F10: variants seen among roughly 807,000 people sequenced by gnomAD.
F10 encodes coagulation factor X, also known as Stuart-Prower factor.
Under a neutral mutation model 37.1 loss-of-function variants are expected in F10, and 29 were observed. The observed-to-expected ratio is 0.78, with a 90% CI of 0.58 to 1.07. F10 has a LOEUF of 1.07. Among genes scored for constraint, F10 ranks in the 50% least tolerant of loss-of-function variants. The pLI is 0.00. For missense variants in F10, 539 were observed against 667.9 expected, an observed-to-expected ratio of 0.81 and a Z score of 2.13; for synonymous variants, 262 against 268.6, an observed-to-expected ratio of 0.98 and a Z score of 0.24.
chr13:113,140,152 C>T (rs913668147), intron 4 of F10, among the ~76,000 whole-genome samples: 1 of 151,036 alleles, frequency 6.6e-6, no homozygotes, highest in East Asian at 1.9e-4. Context: ...CAGCTCACCG[C>T]AAGCTCCGCC....
intron 1 of F10, among the ~76,000 whole-genome samples, chr13:113,123,687 G>T (rs746013968): frequency 6.6e-6 from 1 of 152,128 alleles, no homozygotes; most frequent in Non-Finnish European, 1.5e-5. Context: ...GGAGACCCTC[G>T]TGGGGTGGAA....
intron 1 of F10, among the ~76,000 whole-genome samples, chr13:113,123,374 G>A (rs987667380): frequency 1.4e-4 from 22 of 152,324 alleles, no homozygotes; most frequent in African/African-American, 5.3e-4. Flanking sequence ...GGAGGAGGCT[G>A]AGCCGAGCCA....
rs1318636709 is a variant in F10 at position 113,141,744 on chromosome 13, A to G, written c.502+694A>G. ...CATGAGGCCCTCGAAGGCGGGGCCT[A>G]GGCGTCACAGCTGCACCTTGCACAG... On this transcript the variant is annotated intron_variant, in intron 5 of 7. Transcript: ENST00000375559. This position sits in a 1 kb window ranked among gnomAD's most constrained non-coding sequence, Gnocchi z 5.4. 2.0e-5 allele frequency among the ~76,000 whole-genome samples: 3 copies of G among 152,086 alleles called. No individual in the cohort carries two copies. The highest frequency in any genetic ancestry group is 2.9e-5 in the Non-Finnish European group (2 of 68,032).
At chr13:113,124,007 G>A (rs1344636088) in intron 1 of F10, among the ~76,000 whole-genome samples, 1 of 152,206 alleles carries the variant, frequency 6.6e-6, no homozygotes, top group Non-Finnish European at 1.5e-5. Context: ...CAGCGTGGGT[G>A]GAACAAGGCC....
At chr13:113,147,136 G>A (rs1054624095) in intron 6 of F10, among the ~76,000 whole-genome samples, 1 of 152,204 alleles carries the variant, frequency 6.6e-6, no homozygotes, top group Non-Finnish European at 1.5e-5. Context: ...GTGTGCATGA[G>A]ACTTTAGAGA....
At position 113,141,413 on chromosome 13, in the gene F10, T is replaced by C. The variant is rs1395358656; in HGVS notation, c.502+363T>C. ...GCATTGGGACTGTGGGGGGATCCAGTGCAAGGGCTCAAAGCACCAGGGCAG... is the reference window on the plus strand; with the variant it reads ...GCATTGGGACTGTGGGGGGATCCAGCGCAAGGGCTCAAAGCACCAGGGCAG... On this transcript the variant is annotated intron_variant, in intron 5 of 7. Coordinates refer to ENST00000375559, the MANE Select transcript of F10 (RefSeq NM_000504.4). This position sits in a 1 kb window ranked among gnomAD's most constrained non-coding sequence, Gnocchi z 5.4. Among the ~76,000 whole-genome samples the C allele has an allele frequency of 6.6e-6, 1 of 152,046 alleles. No homozygotes were observed. Among genetic ancestry groups the C allele is most frequent in the Admixed American group, 6.6e-5 (1 of 15,266 alleles).
intron 2 of F10, among the ~76,000 whole-genome samples, chr13:113,133,811 A>T (rs1035921764): frequency 6.6e-6 from 1 of 152,220 alleles, no homozygotes; most frequent in African/African-American, 2.4e-5. Context: ...ATATATTTTT[A>T]AAAGAGTAAT....
intron 1 of F10, chr13:113,129,014 G>A (rs1392749221): frequency 4.6e-6 from 1 of 215,362 alleles, no homozygotes; most frequent in Non-Finnish European, 9.4e-6. Context: ...TTCAAAATAT[G>A]TCAAACAAAT....
intron 2 of F10, chr13:113,132,126 ATTC>A (rs1389807690): frequency 2.0e-5 from 3 of 152,268 alleles, no homozygotes; most frequent in African/African-American, 7.2e-5. Flanking sequence ...GTCTACTCTA[ATTC>A]TTAATTAAAT....
rs915229752 is a variant in F10, at chr13:113,147,069, G to C, written c.748-310G>C. Among the ~76,000 whole-genome samples, 14 of 152,338 alleles carry C rather than the reference G, an allele frequency of 9.2e-5. No individual in the cohort carries two copies. The East Asian group carries it at 2.7e-3, about 29-fold the overall frequency. On this transcript the variant is annotated intron_variant, in intron 6 of 7. Coordinates refer to ENST00000375559, the MANE Select transcript of F10 (RefSeq NM_000504.4). ...TCCCAGGTAGAAATCCTGCCACAGA[G>C]ACGGGAAAGGCTGCTCCCACAGGGA... is the stretch of plus-strand genomic sequence containing the variant.
At position 113,137,169 on chromosome 13, in the gene F10, GCAA is replaced by G. The variant is rs150576427; in HGVS notation, c.232-1281_232-1279del. 3.1e-4 allele frequency among the ~76,000 whole-genome samples: 47 copies of G among 152,314 alleles called. No homozygotes were observed. The South Asian group carries it at 4.3e-3, about 14-fold the overall frequency. ...TACCCATACAATATAACAGTTGTCA[GCAA>G]CAACAAGTAAGAAAGTATTGATACA... On this transcript the variant is annotated intron_variant, in intron 2 of 7. Coordinates refer to ENST00000375559, the MANE Select transcript of F10 (RefSeq NM_000504.4).
chr13:113,148,968 G>A lies in F10; in HGVS notation c.918G>A (p.Glu306=), dbSNP rs200483692. ...EEGGEAVHEV[E]VVIKHNRFTK... ...GCGGTGAGGCGGTGCACGAGGTGGA[G>A]GTGGTCATCAAGCACAACCGGTTCA... The change falls in exon 8 of 8, where the codon GAG becomes GAA. Residue 306 remains glutamate, a synonymous_variant. Transcript: ENST00000375559. 217 of 1,613,452 alleles carry A rather than the reference G, an allele frequency of 1.3e-4. No individual in the cohort carries two copies. The highest frequency in any genetic ancestry group is 1.7e-4 in the Non-Finnish European group (198 of 1,180,036).
rs1314295317 is a variant in F10, at chr13:113,139,182, A to G, written c.257-175A>G. 6.6e-6 allele frequency among the ~76,000 whole-genome samples: 1 copy of G among 152,218 alleles called. No individual in the cohort carries two copies. The highest frequency in any genetic ancestry group is 1.5e-5 in the Non-Finnish European group (1 of 68,026). On this transcript the variant is annotated intron_variant, in intron 3 of 7. Transcript: ENST00000375559. The surrounding 1 kb of genome is among the most constrained non-coding windows in gnomAD (Gnocchi z 5.2). ...ACCTAGATAAAGGCATCACGTACACATGGCCACAAAAGGGGGTGGATCAAA... is the reference window on the plus strand; with the variant it reads ...ACCTAGATAAAGGCATCACGTACACGTGGCCACAAAAGGGGGTGGATCAAA...
intron 1 of F10, chr13:113,128,040 G>A (rs941989606): frequency 3.9e-5 from 6 of 152,232 alleles, no homozygotes; most frequent in Non-Finnish European, 7.3e-5. Flanking sequence ...TCTAGAGCAG[G>A]TGCCTCATGC....
At chr13:113,136,551 A>G (rs1338908075) in intron 2 of F10, among the ~76,000 whole-genome samples, 1 of 149,446 alleles carries the variant, frequency 6.7e-6, no homozygotes, top group African/African-American at 2.5e-5. Flanking sequence ...TCCTCCTCTC[A>G]GGTTCAAGTG....
intron 2 of F10, among the ~76,000 whole-genome samples, chr13:113,137,671 A>G (rs930642273): frequency 6.6e-6 from 1 of 152,250 alleles, no homozygotes; most frequent in Middle Eastern, 3.4e-3. Context: ...TCTCTGTCCC[A>G]GGCTCTCTGC....
chr13:113,144,190 G>A lies in F10; in HGVS notation c.747+95G>A, dbSNP rs1041398561. 2.0e-5 allele frequency: 32 copies of A among 1,579,278 alleles called. No individual in the cohort carries two copies. In the Admixed American group the frequency reaches 3.4e-4, roughly 17 times the overall value. ...AGCCTGACACTTGGAATAGCAATCC[G>A]GGAAGGAACTGTTCCGAACTAGGAC... On this transcript the variant is annotated intron_variant, in intron 6 of 7. Transcript: ENST00000375559. This position sits in a 1 kb window ranked among gnomAD's most constrained non-coding sequence, Gnocchi z 6.4.
In F10 at chr13:113,129,530, A is replaced by C; in HGVS notation, c.149A>C (p.Lys50Thr). ...RANSFLEEMK[K>T]GHLERECMEE... is the part of the protein sequence containing the mutation. ...AATTCCTTTCTTGAAGAGATGAAGA[A>C]AGGACACCTCGAAAGAGAGTGCATG... Residue 50 changes from lysine to threonine, a missense_variant, in exon 2 of 8, where the codon AAA becomes ACA. Transcript: ENST00000375559. 6.2e-7 allele frequency: 1 copy of C among 1,614,212 alleles called. No homozygotes were observed. The highest frequency in any genetic ancestry group is 1.1e-5 in the South Asian group (1 of 91,090).
At chr13:113,129,358 T>C (rs531939891) in intron 1 of F10, 94 bp from the exon 2 acceptor site, 1 of 1,500,486 alleles carries the variant, frequency 6.7e-7, no homozygotes, top group South Asian at 1.1e-5. Context: ...GTGATCTGGA[T>C]ATGGCAAGGG....
Sources: allele counts gnomAD v4.1 joint callset (sites outside exome capture counted in the v4.1 genomes callset), GRCh38; gene constraint gnomAD v4.1.1; non-coding constraint Gnocchi (gnomAD v3.1); transcripts MANE v1.5; gene names NCBI Gene and HGNC (gene_info 2026-07-23, HGNC 2026-07-21).